TET2: variants seen among roughly 807,000 people sequenced by gnomAD.
TET2 encodes methylcytosine dioxygenase TET2.
In TET2, 299 loss-of-function variants were observed where a neutral mutation model predicts 142.9. The observed-to-expected ratio is 2.09, with a 90% confidence interval of 1.90 to 2.30. The LOEUF (loss-of-function observed/expected upper bound fraction) is 2.30, where lower values mean the gene tolerates loss of function less well. TET2 is among the 30% of genes most tolerant of loss of function. TET2 has a pLI of 0.00. For missense variants in TET2, 2,418 were observed against 2,378.0 expected, an observed-to-expected ratio of 1.02 and a Z score of -0.35; for synonymous variants, 819 against 849.0, an observed-to-expected ratio of 0.96 and a Z score of 0.61.
intron 6 of TET2, among the ~76,000 whole-genome samples, chr4:105,248,997 T>C (rs1349388863): frequency 1.5e-5 from 2 of 136,866 alleles, no homozygotes; most frequent in Non-Finnish European, 3.2e-5. Flanking sequence ...CCTTTTTTCT[T>C]TTTCTTTTTT....
intron 2 of TET2, among the ~76,000 whole-genome samples, chr4:105,201,686 A>T (rs1367273221): frequency 6.6e-6 from 1 of 151,594 alleles, no homozygotes; most frequent in African/African-American, 2.4e-5. Flanking sequence ...AATTAGTGCC[A>T]ATACAGTTAA....
chr4:105,234,202 A>G lies in TET2; in HGVS notation c.260A>G (p.Lys87Arg). Reference sequence around the variant, plus strand: ...ACACAAGAAAGTAGAGGGTATTCCAAGTGTTTGCAAAATGGAGGAATAAAA... The same window carrying G: ...ACACAAGAAAGTAGAGGGTATTCCAGGTGTTTGCAAAATGGAGGAATAAAA... Reference protein sequence around the residue: ...DFTQESRGYSKCLQNGGIKRT... With the variant: ...DFTQESRGYSRCLQNGGIKRT... The change falls in exon 3 of 11, where the codon AAG (lysine) becomes AGG (arginine). Residue 87 changes from lysine to arginine, a missense_variant. By Grantham distance (26) the Lys-to-Arg change is conservative. Transcript: ENST00000380013. 6.2e-7 allele frequency: 1 copy of G among 1,614,168 alleles called. No individual in the cohort carries two copies. Among genetic ancestry groups the G allele is most frequent in the African/African-American group, 1.3e-5 (1 of 75,064 alleles).
chr4:105,206,951 G>A (rs62331159), intron 2 of TET2, among the ~76,000 whole-genome samples: 40,413 of 151,988 alleles, frequency 0.27, 6,369 homozygotes, highest in Non-Finnish European at 0.36. Context: ...AGTCTCGCAA[G>A]AACAAAAATA....
intron 1 of TET2, among the ~76,000 whole-genome samples, chr4:105,158,899 A>C (rs981477777): frequency 2.0e-5 from 3 of 152,144 alleles, no homozygotes; most frequent in Non-Finnish European, 4.4e-5. Flanking sequence ...AGGGCCAAAA[A>C]ATAGTAGGCT....
chr4:105,256,947 T>C (rs1730166970), intron 6 of TET2, among the ~76,000 whole-genome samples: 1 of 152,216 alleles, frequency 6.6e-6, no homozygotes, highest in African/African-American at 2.4e-5. Context: ...CTCATGTATT[T>C]AATAAAATGC....
chr4:105,256,993 TTTCA>T, intron 6 of TET2, among the ~76,000 whole-genome samples: 1 of 152,356 alleles, frequency 6.6e-6, no homozygotes, highest in Admixed American at 6.5e-5. Context: ...TACAGTTTTC[TTTCA>T]TTATTTGGGC....
chr4:105,189,782 A>G (rs568980854), intron 1 of TET2, among the ~76,000 whole-genome samples: 1 of 152,322 alleles, frequency 6.6e-6, no homozygotes, highest in South Asian at 2.1e-4. Flanking sequence ...AAAACCCTTG[A>G]GCACAGAGAC....
chr4:105,209,049 G>GTATGTA (rs1726992809), intron 2 of TET2, among the ~76,000 whole-genome samples: 2 of 44,316 alleles, frequency 4.5e-5, no homozygotes, highest in Non-Finnish European at 1.6e-4. Context: ...TCAAGGCATG[G>GTATGTA]TATATATATA....
intron 1 of TET2, among the ~76,000 whole-genome samples, chr4:105,176,790 A>G (rs1724823365): frequency 6.6e-6 from 1 of 152,164 alleles, no homozygotes; most frequent in South Asian, 2.1e-4. Flanking sequence ...TGGAGAGGCA[A>G]AAGAGCAGAA....
intron 6 of TET2, among the ~76,000 whole-genome samples, chr4:105,252,223 T>G (rs141725361): frequency 6.6e-4 from 101 of 152,334 alleles, no homozygotes; most frequent in African/African-American, 2.4e-3. Flanking sequence ...CCAATGATCT[T>G]TTTATCTCAA....
chr4:105,266,526 G>C (rs999067947), intron 8 of TET2, among the ~76,000 whole-genome samples: 1 of 152,022 alleles, frequency 6.6e-6, no homozygotes, highest in African/African-American at 2.4e-5. Flanking sequence ...CATTAAAATG[G>C]CTATCATATT....
intron 6 of TET2, among the ~76,000 whole-genome samples, chr4:105,252,564 T>C (rs1309805364): frequency 6.6e-6 from 1 of 152,124 alleles, no homozygotes; most frequent in Non-Finnish European, 1.5e-5. Context: ...ACAGTAAGAG[T>C]AAGAAATATT....
At chr4:105,194,265 A>G (rs1725952298) in intron 2 of TET2, among the ~76,000 whole-genome samples, 1 of 152,168 alleles carries the variant, frequency 6.6e-6, no homozygotes, top group Admixed American at 6.6e-5. Flanking sequence ...TTTCTCATGA[A>G]ACAGATCTAA....
chr4:105,225,387 G>T (rs1009833547), intron 2 of TET2, among the ~76,000 whole-genome samples: 22 of 152,008 alleles, frequency 1.4e-4, no homozygotes, highest in African/African-American at 4.8e-4. Flanking sequence ...TTTTTATGTG[G>T]TGTTCTCTGT....
intron 6 of TET2, among the ~76,000 whole-genome samples, chr4:105,255,189 C>A (rs1578709335): frequency 6.6e-6 from 1 of 152,190 alleles, no homozygotes; most frequent in East Asian, 1.9e-4. Context: ...TCTGCTTTAG[C>A]TCCATCCAAT....
rs758594621 is a variant in TET2 at position 105,236,436 on chromosome 4, G to A, written c.2494G>A (p.Val832Ile). ...TMKSSACKIQ[V>I]SCSNNTHLVS... ...GAAATCAAGTGCATGCAAAATACAG[G>A]TTTCTTGTTCAAACAATACACACCT... The change falls in exon 3 of 11, where the codon GTT (valine) becomes ATT (isoleucine). Residue 832 changes from valine to isoleucine, a missense_variant. Val to Ile is a conservative substitution (Grantham distance 29, BLOSUM62 3). Coordinates refer to ENST00000380013, the MANE Select transcript of TET2 (RefSeq NM_001127208.3). 1.4e-5 allele frequency: 22 copies of A among 1,613,892 alleles called. No individual in the cohort carries two copies. The African/African-American group carries it at 1.7e-4, about 13-fold the overall frequency.
At chr4:105,192,076 G>T (rs1317001797) in intron 2 of TET2, among the ~76,000 whole-genome samples, 2 of 151,970 alleles carry the variant, frequency 1.3e-5, no homozygotes, top group South Asian at 2.1e-4. Flanking sequence ...AACTGAGAGC[G>T]CATTTTTAAG....
chr4:105,224,072 C>T (rs1436451198), intron 2 of TET2, among the ~76,000 whole-genome samples: 2 of 151,516 alleles, frequency 1.3e-5, no homozygotes, highest in East Asian at 3.9e-4. Context: ...TATAAATTGA[C>T]TCTTTTGTCC....
In TET2 at chr4:105,234,884, T is replaced by A; in HGVS notation, c.942T>A (p.Cys314Ter). The change falls in exon 3 of 11, where the codon TGT becomes TGA. Residue 314 changes from cysteine to a stop codon, truncating the protein, a stop_gained. Transcript: ENST00000380013. LOFTEE classifies it high-confidence loss of function. The part of the protein sequence containing the change: ...ASKLAAMLNT[C>*]SFQKPEQLQQ... ...AACTAGCTGCAATGCTAAATACCTG[T>A]TCCTTTCAGAAACCAGAACAACTAC... is the stretch of plus-strand genomic sequence containing the variant. The A allele has an allele frequency of 6.2e-7, 1 of 1,614,098 alleles. No homozygotes were observed. The highest frequency in any genetic ancestry group is 1.3e-5 in the African/African-American group (1 of 75,044).
Sources: allele counts gnomAD v4.1 joint callset (sites outside exome capture counted in the v4.1 genomes callset), GRCh38; gene constraint gnomAD v4.1.1; transcripts MANE v1.5; gene names NCBI Gene and HGNC (gene_info 2026-07-23, HGNC 2026-07-21).